MYO15B: variants seen among roughly 807,000 people sequenced by gnomAD.
MYO15B encodes the protein myosin XVB pseudogene.
Under a neutral mutation model 119.3 loss-of-function variants are expected in MYO15B, and 207 were observed. That is an observed-to-expected ratio of 1.73 (90% CI 1.55 to 1.95). The LOEUF is 1.95. Among genes scored for constraint, MYO15B ranks in the 30% most tolerant of loss-of-function variants. The pLI is 0.00. For missense variants in MYO15B, 2,264 were observed against 1,203.1 expected (o/e 1.88, Z -13.04); for synonymous variants, 966 against 498.9 (o/e 1.94, Z -12.48).
intron 53 of MYO15B, 112 bp downstream of exon 53, chr17:75,622,192 G>C (rs1187472882): frequency 4.8e-5 from 32 of 662,996 alleles, no homozygotes; most frequent in Admixed American, 6.4e-5. Context: ...AGTATTTACT[G>C]AGCACCCATT....
chr17:75,610,941 G>A (rs1281777656), exon 23 of MYO15B: 1 of 703,044 alleles, frequency 1.4e-6, no homozygotes, highest in East Asian at 2.7e-5. Context: ...AAAGGGCCTT[G>A]GAGAGAGTGC....
At chr17:75,626,157 G>A (rs1375441751) in exon 63 of MYO15B, 1 of 702,956 alleles carries the variant, frequency 1.4e-6, no homozygotes, top group Non-Finnish European at 2.6e-6. Flanking sequence ...GGAGGAGAAG[G>A]GGCCCCCTGG....
At chr17:75,591,632 G>A (rs1186519539) in exon 5 of MYO15B, 2 of 702,746 alleles carry the variant, frequency 2.8e-6, no homozygotes, top group South Asian at 1.5e-5. Flanking sequence ...CAGTGGCTCA[G>A]GGAAGACGGA....
chr17:75,616,679 T>G lies in MYO15B; in HGVS notation c.6400T>G (p.Ser2134Ala), dbSNP rs1173719312. The G allele has an allele frequency of 5.7e-6, 4 of 702,870 alleles. No homozygotes were observed. The East Asian group carries it at 1.1e-4, about 19-fold the overall frequency. The allele number at this position is 702,870 out of a possible 1,614,324, so 43.5% of individuals were successfully genotyped here. Reference sequence around the variant, plus strand: ...AGGCAGGGGGACTGTGGTGCGCAGCTCAGACTCCAAGCCCAAGCGGCCACA... The same window carrying G: ...AGGCAGGGGGACTGTGGTGCGCAGCGCAGACTCCAAGCCCAAGCGGCCACA... Residue 2134 changes from serine (S) to alanine (A), a missense_variant, in exon 39 of 64, where the codon TCA becomes GCA. Ser to Ala is a moderately conservative substitution (Grantham distance 99, BLOSUM62 1). Transcript: ENST00000645453.
intron 60 of MYO15B, 140 bp downstream of exon 60, chr17:75,625,378 G>A (rs919147070): frequency 2.3e-5 from 15 of 643,104 alleles, no homozygotes; most frequent in Middle Eastern, 2.5e-4. Context: ...ACCCCACCCC[G>A]AGCTCCTCTG....
At position 75,617,133 on chromosome 17, in the gene MYO15B, C is replaced by T. The variant is rs1185054035; in HGVS notation, c.6643C>T (p.Arg2215Ter). The stretch of plus-strand genomic sequence containing the variant: ...GGGCCCCCCGCCAGCTGTGGCTCCT[C>T]GACCCAAGGCCCCGCTACAGCTTGG... The change falls in exon 41 of 64, where the codon CGA (arginine) becomes TGA (stop). Residue 2215 changes from arginine to a stop codon, truncating the protein, a stop_gained. Coordinates refer to ENST00000645453, the Ensembl canonical transcript of MYO15B. LOFTEE classifies it high-confidence loss of function. The T allele has an allele frequency of 2.1e-5, 14 of 682,568 alleles. No individual in the cohort carries two copies. In the Admixed American group the frequency reaches 2.1e-4, roughly 10 times the overall value. 42.3% of individuals were successfully genotyped at this position (682,568 alleles called of 1,614,324 possible).
chr17:75,595,108 CCTT>C (rs1387424163), intron 12 of MYO15B, 136 bp downstream of exon 12: 3 of 622,702 alleles, frequency 4.8e-6, no homozygotes, highest in Admixed American at 2.6e-5. Flanking sequence ...TTTCAGGGCT[CCTT>C]CTGCATCTGC....
chr17:75,614,027 C>A, intron 29 of MYO15B, 172 bp from the exon 30 acceptor site: 1 of 603,352 alleles, frequency 1.7e-6, no homozygotes, highest in East Asian at 2.8e-5. Context: ...AAGTGGAGGG[C>A]CGTGAGGTGA....
intron 19 of MYO15B, 122 bp downstream of exon 19, chr17:75,603,434 C>T (rs2057414392): frequency 1.6e-6 from 1 of 616,356 alleles, no homozygotes; most frequent in South Asian, 1.9e-5. Context: ...AGCACCCAAC[C>T]CTCCCTCTCT....
In MYO15B at chr17:75,602,981, G is replaced by A. The variant is rs374828846; in HGVS notation, c.3845+36G>A. 7.5e-4 allele frequency: 528 copies of A among 701,556 alleles called. 5 individuals are homozygous for A. Among genetic ancestry groups the A allele is most frequent in the Middle Eastern group, 7.1e-3 (31 of 4,348 alleles). The allele number at this position is 701,556 out of a possible 1,614,324, so 43.5% of individuals were successfully genotyped here. ...CGCCCGCCACACCAGACCCCAGGGA[G>A]TTGTATGGGGCTCCAGTCTGTGCCC... On this transcript the variant is annotated intron_variant, in intron 17 of 63. Coordinates refer to ENST00000645453, the Ensembl canonical transcript of MYO15B.
At chr17:75,602,056 G>A (rs2147852144) in intron 15 of MYO15B, among the ~76,000 whole-genome samples, 1 of 152,236 alleles carries the variant, frequency 6.6e-6, no homozygotes, top group Non-Finnish European at 1.5e-5. Flanking sequence ...ACTGGGGGTG[G>A]GGGAGCGGGG....
chr17:75,588,505 AC>A lies in MYO15B; in HGVS notation c.449del (p.Thr150SerfsTer219). 2.5e-6 allele frequency: 1 copy of A among 398,512 alleles called. No individual in the cohort carries two copies. The highest frequency in any genetic ancestry group is 1.3e-4 in the South Asian group (1 of 7,868). The allele number at this position is 398,512 out of a possible 1,614,324, so 24.7% of individuals were successfully genotyped here. ...GACGCCCAGGAGCCTCAATGGGGAC[AC>A]GTCGGGTGGGGACGGAGGCAGCTCC... On this transcript the variant is annotated frameshift_variant, in exon 1 of 64. Coordinates refer to ENST00000645453, the Ensembl canonical transcript of MYO15B. LOFTEE classifies it high-confidence loss of function.
Position 75,624,634 on chromosome 17 carries a change from AGAAGAGTAAGCTT to A in MYO15B, c.8539_8542+9del, listed in dbSNP as rs1281846063. On this transcript the variant is annotated splice_donor_variant and splice_donor_5th_base_variant and coding_sequence_variant and intron_variant, in exon 58 of 64. Transcript: ENST00000645453. LOFTEE classifies it high-confidence loss of function. ...GAATTCGCCCTCTTCCTCATCAAAG[AGAAGAGTAAGCTT>A]GGGGACGGAGCCTCACGGTGGGGCC... The A allele has an allele frequency of 2.8e-6, 2 of 702,802 alleles. No homozygotes were observed. Among genetic ancestry groups the A allele is most frequent in the Admixed American group, 4.0e-5 (2 of 49,996 alleles). 43.5% of individuals were successfully genotyped at this position (702,802 alleles called of 1,614,324 possible). A position where few individuals can be genotyped will look rare whatever the true frequency, so the allele number is the denominator to read the frequency against.
In MYO15B at chr17:75,621,055, G is replaced by A. The variant is rs373506309; in HGVS notation, c.7750G>A (p.Ala2584Thr). ...GCGCCCTGCCCACCCTTGGAGCCAG[G>A]CACACAGTGACGACTCGGAGGCCAC... Residue 2584 changes from alanine (A) to threonine (T), a missense_variant, in exon 50 of 64, where the codon GCA becomes ACA. Coordinates refer to ENST00000645453, the Ensembl canonical transcript of MYO15B. 1,169 of 702,870 alleles carry A rather than the reference G, an allele frequency of 1.7e-3. 13 individuals are homozygous for A. Among genetic ancestry groups the A allele is most frequent in the South Asian group, 0.013 (887 of 67,600 alleles). The allele number at this position is 702,870 out of a possible 1,614,324, so 43.5% of individuals were successfully genotyped here.
At chr17:75,591,680 G>A in exon 5 of MYO15B, 2 of 702,966 alleles carry the variant, frequency 2.8e-6, no homozygotes, top group South Asian at 1.5e-5. Context: ...AAGCAGCCTG[G>A]AGCAGGATCA....
At chr17:75,626,051 CG>C in intron 62 of MYO15B, 36 bp from the exon 63 acceptor site, 1 of 699,176 alleles carries the variant, frequency 1.4e-6, no homozygotes, top group Non-Finnish European at 2.6e-6. Flanking sequence ...GACCCCTCCC[CG>C]GAGAGGAGAC....
At chr17:75,601,543 G>A (rs1028303385) in exon 15 of MYO15B, 2 of 703,048 alleles carry the variant, frequency 2.8e-6, no homozygotes, top group Non-Finnish European at 5.2e-6. Flanking sequence ...GCGACATTAT[G>A]CAGGGACTGT....
exon 33 of MYO15B, chr17:75,615,006 G>A: frequency 1.4e-6 from 1 of 703,006 alleles, no homozygotes; most frequent in South Asian, 1.5e-5. Context: ...GAAGGGAGGG[G>A]GCGCCATTGG....
Position 75,589,530 on chromosome 17 carries a change from C to G in MYO15B, c.1473C>G (p.Pro491=). The change falls in exon 1 of 64, where the codon CCC becomes CCG. Residue 491 remains proline, a synonymous_variant. Transcript: ENST00000645453. This position sits in a 1 kb window ranked among gnomAD's most constrained non-coding sequence, Gnocchi z 4.2. ...GGTACGAGGGGTGGGGCCGTGAGCCCGGGCTGCGGCACCGTCTAGCGTTGC... is the reference window on the plus strand; with the variant it reads ...GGTACGAGGGGTGGGGCCGTGAGCCGGGGCTGCGGCACCGTCTAGCGTTGC... The G allele has an allele frequency of 2.5e-6, 1 of 398,596 alleles. No individual in the cohort carries two copies. The highest frequency in any genetic ancestry group is 3.6e-5 in the East Asian group (1 of 28,038). The allele number at this position is 398,596 out of a possible 1,614,324, so 24.7% of individuals were successfully genotyped here. A position where few individuals can be genotyped will look rare whatever the true frequency, so the allele number is the denominator to read the frequency against.
Sources: allele counts gnomAD v4.1 joint callset (sites outside exome capture counted in the v4.1 genomes callset), GRCh38; gene constraint gnomAD v4.1.1; non-coding constraint Gnocchi (gnomAD v3.1); transcripts MANE v1.5; gene names NCBI Gene and HGNC (gene_info 2026-07-23, HGNC 2026-07-21).